Variants in ARID1B observed in about 807,000 individuals in gnomAD.
ARID1B encodes AT-rich interactive domain-containing protein 1B.
Under a neutral mutation model 212.3 loss-of-function variants are expected in ARID1B, and 30 were observed. The observed-to-expected ratio is 0.14, with a 90% CI of 0.11 to 0.19. The LOEUF (loss-of-function observed/expected upper bound fraction) is 0.19, where lower values mean the gene tolerates loss of function less well. Ranked by LOEUF, ARID1B falls within the 10% of genes least tolerant of loss-of-function variation. The pLI is 1.00. For synonymous variants in ARID1B, 1,402 were observed against 1,301.7 expected, an observed-to-expected ratio of 1.08 and a Z score of -1.66; for missense variants, 2,891 against 3,204.0, an observed-to-expected ratio of 0.90 and a Z score of 2.36.
chr6:157,039,670 C>CTTTCTTTCT (rs1781632121), intron 4 of ARID1B, among the ~76,000 whole-genome samples: 1 of 55,306 alleles, frequency 1.8e-5, no homozygotes, highest in Non-Finnish European at 3.3e-5. Flanking sequence ...TCCTTCCTTC[C>CTTTCTTTCT]TTCCTTCCTT....
chr6:157,161,453 A>ATT (rs991110576), intron 8 of ARID1B, among the ~76,000 whole-genome samples: 16 of 147,134 alleles, frequency 1.1e-4, no homozygotes, highest in African/African-American at 4.1e-4. Flanking sequence ...ATATATATAT[A>ATT]TTTTGGCGGG....
At chr6:156,818,126 G>A (rs1293637532) in intron 1 of ARID1B, among the ~76,000 whole-genome samples, 7 of 37,612 alleles carry the variant, frequency 1.9e-4, no homozygotes, top group East Asian at 6.4e-4. Context: ...TTTTTTTTTA[G>A]AATATAAGAT....
intron 5 of ARID1B, among the ~76,000 whole-genome samples, chr6:157,093,913 AG>A (rs2128480722): frequency 6.6e-6 from 1 of 152,330 alleles, no homozygotes; most frequent in Admixed American, 6.5e-5. Flanking sequence ...CTGCAGGCGT[AG>A]TAAGTGGGGT....
chr6:157,093,477 G>A (rs1785411689), intron 5 of ARID1B, among the ~76,000 whole-genome samples: 1 of 152,222 alleles, frequency 6.6e-6, no homozygotes, highest in African/African-American at 2.4e-5. Flanking sequence ...ATAACAGGGT[G>A]ATATGGGTTG....
intron 4 of ARID1B, among the ~76,000 whole-genome samples, chr6:156,994,631 G>A (rs75377015): frequency 0.019 from 2,924 of 151,800 alleles, 106 homozygotes; most frequent in African/African-American, 0.067. Context: ...TAGGGTGAAC[G>A]CACGCCCATT....
chr6:157,037,299 C>T (rs1781394829), intron 4 of ARID1B, among the ~76,000 whole-genome samples: 1 of 152,168 alleles, frequency 6.6e-6, no homozygotes, highest in Non-Finnish European at 1.5e-5. Context: ...CAGTTACAAC[C>T]GGATTGAAAA....
chr6:157,014,816 T>G (rs1244520978), intron 4 of ARID1B, among the ~76,000 whole-genome samples: 1 of 151,846 alleles, frequency 6.6e-6, no homozygotes, highest in Non-Finnish European at 1.5e-5. Context: ...TAAAGCATGA[T>G]GAGTAAAAAA....
rs372995996 is a variant in ARID1B, at chr6:157,089,196, G to GA, written c.2491+4299dup. 3.3e-3 allele frequency among the ~76,000 whole-genome samples: 495 copies of GA among 151,756 alleles called. 4 individuals carry two copies. Among genetic ancestry groups the GA allele is most frequent in the African/African-American group, 0.011 (452 of 41,412 alleles). ...TGATGTTGCTTTCCTAGGATTTGTT[G>GA]AAAAAAAACAATCATTTTTCTCCAT... On this transcript the variant is annotated intron_variant, in intron 5 of 19. Transcript: ENST00000636930.
chr6:156,816,624 A>G (rs908075048), intron 1 of ARID1B, among the ~76,000 whole-genome samples: 1 of 152,186 alleles, frequency 6.6e-6, no homozygotes, highest in African/African-American at 2.4e-5. Flanking sequence ...TGCTGGACTC[A>G]CTGGTATTTC....
At chr6:157,042,035 G>A (rs1305224993) in intron 4 of ARID1B, among the ~76,000 whole-genome samples, 4 of 152,104 alleles carry the variant, frequency 2.6e-5, no homozygotes, top group East Asian at 3.9e-4. Flanking sequence ...GTCTGGCCTC[G>A]ATTTCTCAGA....
At chr6:157,189,592 T>C (rs1443549865) in intron 13 of ARID1B, 50 bp from the exon 14 acceptor site, 1 of 1,561,440 alleles carries the variant, frequency 6.4e-7, no homozygotes, top group Admixed American at 2.2e-5. Flanking sequence ...CTGGGCTTAC[T>C]TGATAATCTC....
intron 4 of ARID1B, among the ~76,000 whole-genome samples, chr6:157,055,276 A>T (rs1325479918): frequency 6.6e-6 from 1 of 152,224 alleles, no homozygotes; most frequent in Non-Finnish European, 1.5e-5. Flanking sequence ...TTAACTAGAC[A>T]ATAATCATTA....
At chr6:156,949,521 G>C (rs1485160396) in intron 4 of ARID1B, among the ~76,000 whole-genome samples, 1 of 152,120 alleles carries the variant, frequency 6.6e-6, no homozygotes, top group Admixed American at 6.5e-5. Context: ...CAGGGCTGCC[G>C]GTGCACCACA....
intron 2 of ARID1B, among the ~76,000 whole-genome samples, chr6:156,897,209 GCTGCTGCTGCTTCTTCTTCTT>G (rs1266269696): frequency 2.7e-5 from 2 of 73,014 alleles, no homozygotes; most frequent in African/African-American, 9.3e-5. Flanking sequence ...TGCTGCTGCT[GCTGCTGCTGCTTCTTCTTCTT>G]CTTCTTCTTC....
At chr6:156,837,736 T>C (rs1050056778) in intron 2 of ARID1B, among the ~76,000 whole-genome samples, 3 of 152,122 alleles carry the variant, frequency 2.0e-5, no homozygotes, top group Admixed American at 2.0e-4. Flanking sequence ...AGGAAGAAGA[T>C]GGGTGGGAGC....
intron 2 of ARID1B, among the ~76,000 whole-genome samples, chr6:156,868,147 A>G (rs1474543273): frequency 6.6e-6 from 1 of 152,242 alleles, no homozygotes; most frequent in Non-Finnish European, 1.5e-5. Context: ...ATTTTGGATC[A>G]GTTTTCCACG....
Position 156,807,659 on chromosome 6 carries a change from A to G in ARID1B, c.1792-21568A>G, listed in dbSNP as rs193228800. The stretch of plus-strand genomic sequence containing the variant: ...CATGTGAACATAGACAATTATATAA[A>G]TATAAACATCTGTATATAAGATGAT... On this transcript the variant is annotated intron_variant, in intron 1 of 19. Coordinates refer to ENST00000636930, the MANE Select transcript of ARID1B (RefSeq NM_001374828.1). Among the ~76,000 whole-genome samples, 5 of 151,072 alleles carry G rather than the reference A, an allele frequency of 3.3e-5. No homozygotes were observed. The East Asian group carries it at 9.7e-4, about 29-fold the overall frequency.
chr6:157,136,727 T>C (rs1234226627), intron 7 of ARID1B, among the ~76,000 whole-genome samples: 1 of 151,334 alleles, frequency 6.6e-6, no homozygotes, highest in African/African-American at 2.4e-5. Context: ...CCGGGTGCGG[T>C]GGCACACGCC....
At chr6:156,830,910 G>A in intron 2 of ARID1B, among the ~76,000 whole-genome samples, 1 of 152,172 alleles carries the variant, frequency 6.6e-6, no homozygotes, top group East Asian at 1.9e-4. Flanking sequence ...AATCCTAGTT[G>A]CAGATTGAAC....
Sources: allele counts gnomAD v4.1 joint callset (sites outside exome capture counted in the v4.1 genomes callset), GRCh38; gene constraint gnomAD v4.1.1; transcripts MANE v1.5; gene names NCBI Gene and HGNC (gene_info 2026-07-23, HGNC 2026-07-21).